Variants in USH2A observed in about 807,000 individuals in gnomAD.
USH2A encodes usherin.
USH2A carries 443 observed loss-of-function variants against 538.9 expected under a neutral mutation model. That is an observed-to-expected ratio of 0.82 (90% CI 0.76 to 0.89). The LOEUF is 0.89. Ranked by LOEUF, USH2A falls within the 40% of genes least tolerant of loss-of-function variation. USH2A has a pLI of 0.00. For synonymous variants in USH2A, 2,413 were observed against 2,273.5 expected, an observed-to-expected ratio of 1.06 and a Z score of -1.75; for missense variants, 6,633 against 6,324.8, an observed-to-expected ratio of 1.05 and a Z score of -1.65.
At chr1:215,735,216 C>G (rs997051579) in intron 60 of USH2A, among the ~76,000 whole-genome samples, 1 of 152,202 alleles carries the variant, frequency 6.6e-6, no homozygotes. Flanking sequence ...GCACCCTCCT[C>G]TATGCATTTA....
At chr1:215,978,080 T>C (rs1305605340) in intron 35 of USH2A, among the ~76,000 whole-genome samples, 1 of 152,132 alleles carries the variant, frequency 6.6e-6, no homozygotes, top group African/African-American at 2.4e-5. Flanking sequence ...TGGGCCATGA[T>C]TGCACCACTG....
At chr1:216,123,072 T>C (rs2033168638) in intron 21 of USH2A, among the ~76,000 whole-genome samples, 1 of 152,178 alleles carries the variant, frequency 6.6e-6, no homozygotes, top group African/African-American at 2.4e-5. Flanking sequence ...TATTTGTTTC[T>C]CATGGTTCAT....
chr1:216,295,919 T>G (rs1030601071), intron 9 of USH2A, among the ~76,000 whole-genome samples: 4 of 152,044 alleles, frequency 2.6e-5, no homozygotes, highest in Non-Finnish European at 5.9e-5. Flanking sequence ...TTTGACATAT[T>G]TCATAATCAT....
chr1:216,200,727 G>T (rs1291267877), intron 16 of USH2A, among the ~76,000 whole-genome samples: 1 of 152,158 alleles, frequency 6.6e-6, no homozygotes, highest in South Asian at 2.1e-4. Flanking sequence ...CTACAAAGAG[G>T]TTTTTAAAAA....
chr1:216,040,065 ACAC>A (rs1404643678), intron 32 of USH2A, among the ~76,000 whole-genome samples: 2 of 151,144 alleles, frequency 1.3e-5, no homozygotes, highest in African/African-American at 4.9e-5. Flanking sequence ...ACACACACAC[ACAC>A]ACACACACAC....
chr1:216,319,985 GAC>G (rs1206973998), intron 9 of USH2A, among the ~76,000 whole-genome samples: 6 of 152,100 alleles, frequency 3.9e-5, no homozygotes, highest in African/African-American at 1.4e-4. Flanking sequence ...GAGTGTATGA[GAC>G]AGTGCTACCA....
Position 216,342,147 on chromosome 1 carries a change from C to G in USH2A, c.785-14493G>C, listed in dbSNP as rs536180275. Among the ~76,000 whole-genome samples, 9 of 152,060 alleles carry G rather than the reference C, an allele frequency of 5.9e-5. No individual in the cohort carries two copies. The South Asian group carries it at 1.9e-3, about 32-fold the overall frequency. ...TCTGCAAGGAACTTAAACAAATGTA[C>G]AAGAAGAAAACAACCCCATCAAAAA... is the stretch of plus-strand genomic sequence containing the variant. On this transcript the variant is annotated intron_variant, in intron 4 of 71. Transcript: ENST00000307340.
chr1:216,406,248 C>T (rs1378138528), intron 3 of USH2A, among the ~76,000 whole-genome samples: 1 of 151,934 alleles, frequency 6.6e-6, no homozygotes, highest in African/African-American at 2.4e-5. Context: ...TAATATTGTA[C>T]CATAGTTATA....
chr1:216,270,910 G>T (rs542847669), intron 11 of USH2A, among the ~76,000 whole-genome samples: 1 of 152,060 alleles, frequency 6.6e-6, no homozygotes, highest in Non-Finnish European at 1.5e-5. Flanking sequence ...TAATCCTACG[G>T]TAAGGTGGTG....
intron 21 of USH2A, among the ~76,000 whole-genome samples, chr1:216,160,342 G>A (rs1232952356): frequency 3.3e-5 from 5 of 151,552 alleles, no homozygotes; most frequent in African/African-American, 9.7e-5. Context: ...ATGTATTAAG[G>A]CATTATTATC....
intron 58 of USH2A, among the ~76,000 whole-genome samples, chr1:215,750,815 A>G (rs527803306): frequency 6.8e-4 from 103 of 152,268 alleles, no homozygotes; most frequent in African/African-American, 2.4e-3. Context: ...GACCTTTTTC[A>G]TTAGTAAAAT....
intron 37 of USH2A, among the ~76,000 whole-genome samples, chr1:215,955,634 C>T (rs1184788457): frequency 3.9e-5 from 6 of 151,932 alleles, no homozygotes; most frequent in African/African-American, 9.7e-5. Context: ...ATTTGCAACC[C>T]GATTTATAAA....
At chr1:216,340,748 G>A (rs1348604177) in intron 4 of USH2A, among the ~76,000 whole-genome samples, 1 of 151,826 alleles carries the variant, frequency 6.6e-6, no homozygotes, top group Non-Finnish European at 1.5e-5. Context: ...ACAAAATCAC[G>A]TGATCATCTC....
In USH2A at chr1:216,372,583, C is replaced by T. The variant is rs144021234; in HGVS notation, c.652-7498G>A. 3.1e-3 allele frequency among the ~76,000 whole-genome samples: 472 copies of T among 151,526 alleles called. 2 individuals are homozygous for T. The highest frequency in any genetic ancestry group is 0.011 in the African/African-American group (446 of 41,390). On this transcript the variant is annotated intron_variant, in intron 3 of 71. Coordinates refer to ENST00000307340, the MANE Select transcript of USH2A (RefSeq NM_206933.4). ...GGAATGCAAGTAGATTTTTTTTTGTCCTATCTTGACTGGATGTGAAACTCT... is the reference window on the plus strand; with the variant it reads ...GGAATGCAAGTAGATTTTTTTTTGTTCTATCTTGACTGGATGTGAAACTCT...
intron 64 of USH2A, among the ~76,000 whole-genome samples, chr1:215,667,307 A>G (rs1405904230): frequency 1.3e-5 from 2 of 152,174 alleles, no homozygotes; most frequent in Non-Finnish European, 2.9e-5. Context: ...CAAGCTGGTT[A>G]TATGAATTGT....
chr1:216,151,265 T>G (rs2033825963), intron 21 of USH2A, among the ~76,000 whole-genome samples: 1 of 152,070 alleles, frequency 6.6e-6, no homozygotes, highest in Admixed American at 6.5e-5. Context: ...CCTTCTCACC[T>G]TTTTACTTTA....
chr1:215,930,888 C>T (rs181058639), intron 38 of USH2A, among the ~76,000 whole-genome samples: 8 of 151,962 alleles, frequency 5.3e-5, no homozygotes, highest in Admixed American at 5.3e-4. Flanking sequence ...AATTCTTTTC[C>T]TAGAACTCTT....
At chr1:215,680,056 G>T (rs1658173183) in intron 62 of USH2A, 93 bp downstream of exon 62, 1 of 1,270,804 alleles carries the variant, frequency 7.9e-7, no homozygotes, top group Admixed American at 1.7e-5. Flanking sequence ...GGCTGTGAAG[G>T]GAGTTTTCCC....
chr1:216,097,783 A>T (rs2032475970), intron 21 of USH2A, among the ~76,000 whole-genome samples: 3 of 152,296 alleles, frequency 2.0e-5, no homozygotes, highest in South Asian at 4.1e-4. Flanking sequence ...ATATCATAGG[A>T]TATACAATGC....
Sources: allele counts gnomAD v4.1 joint callset (sites outside exome capture counted in the v4.1 genomes callset), GRCh38; gene constraint gnomAD v4.1.1; transcripts MANE v1.5; gene names NCBI Gene and HGNC (gene_info 2026-07-23, HGNC 2026-07-21).